Variants in IGSF6 observed in about 807,000 individuals in gnomAD.
The protein encoded by IGSF6 is immunoglobulin superfamily member 6.
A neutral mutation model predicts 24.7 loss-of-function variants in IGSF6; 23 were observed. The ratio of observed to expected loss-of-function variants is 0.93; its 90% CI spans 0.67 to 1.32. The LOEUF is 1.32. IGSF6 is among the 40% of genes most tolerant of loss of function. The pLI is 0.00. For synonymous variants in IGSF6, 110 were observed against 113.7 expected (o/e 0.97, Z 0.21); for missense variants, 295 against 293.6 (o/e 1.00, Z -0.04).
chr16:21,645,882 G>A (rs1205435253), intron 2 of IGSF6, among the ~76,000 whole-genome samples: 2 of 152,202 alleles, frequency 1.3e-5, no homozygotes, highest in Non-Finnish European at 2.9e-5. Flanking sequence ...TTAGCTGACA[G>A]ATGAGAATAA....
intron 2 of IGSF6, chr16:21,646,359 T>C (rs576513542): frequency 5.3e-5 from 8 of 152,306 alleles, no homozygotes; most frequent in African/African-American, 1.9e-4. Context: ...GATCCCTGAG[T>C]AGCTTCTCTC....
At position 21,639,794 on chromosome 16, in the gene IGSF6, A is replaced by T. The variant is rs532751773; in HGVS notation, c.*1740T>A. 17 of 152,334 alleles carry T rather than the reference A, an allele frequency of 1.1e-4. No homozygotes were observed. Among genetic ancestry groups the T allele is most frequent in the African/African-American group, 3.8e-4 (16 of 41,574 alleles). The allele number at this position is 152,334 out of a possible 1,614,324, so 9.4% of individuals were successfully genotyped here. ...CCCATTTTTCTGGGCACATAGGATC[A>T]GGAAAGTTTGATATCACTGATTTAA... On this transcript the variant is annotated 3_prime_UTR_variant, in exon 6 of 6. Coordinates refer to ENST00000268389, the MANE Select transcript of IGSF6 (RefSeq NM_005849.4).
At chr16:21,642,177 T>A (rs966961524) in intron 5 of IGSF6, 1 of 151,036 alleles carries the variant, frequency 6.6e-6, no homozygotes, top group Non-Finnish European at 1.5e-5. Flanking sequence ...AGAAAACAAT[T>A]AAAGTAAAAG....
intron 4 of IGSF6, 116 bp from the exon 5 acceptor site, chr16:21,643,270 C>A: frequency 1.3e-6 from 1 of 748,260 alleles, no homozygotes; most frequent in South Asian, 1.5e-5. Context: ...TACCCCCTCC[C>A]CCAACACATA....
chr16:21,644,779 G>C (rs915822223), intron 2 of IGSF6, among the ~76,000 whole-genome samples: 3 of 152,164 alleles, frequency 2.0e-5, no homozygotes, highest in Non-Finnish European at 4.4e-5. Context: ...TCAAGAGTCT[G>C]CCTATGTGGT....
intron 1 of IGSF6, among the ~76,000 whole-genome samples, chr16:21,649,868 C>G (rs537942105): frequency 6.6e-6 from 1 of 152,200 alleles, no homozygotes; most frequent in African/African-American, 2.4e-5. Flanking sequence ...ACCACCACGC[C>G]TGGCTAATTT....
intron 2 of IGSF6, 119 bp downstream of exon 2, chr16:21,647,014 C>G: frequency 7.6e-7 from 1 of 1,323,936 alleles, no homozygotes; most frequent in Non-Finnish European, 1.1e-6. Flanking sequence ...ACACCCATCA[C>G]TGGCTAGGGT....
At chr16:21,646,158 C>CTT (rs11415948) in intron 2 of IGSF6, among the ~76,000 whole-genome samples, 17 of 150,614 alleles carry the variant, frequency 1.1e-4, no homozygotes, top group African/African-American at 2.2e-4. Context: ...GAAATTCCCC[C>CTT]TTTTTTTTTC....
rs566961050 is a variant in IGSF6 at position 21,646,801 on chromosome 16, G to T, written c.427+332C>A. On this transcript the variant is annotated intron_variant, in intron 2 of 5. Coordinates refer to ENST00000268389, the MANE Select transcript of IGSF6 (RefSeq NM_005849.4). ...CTCCCAAGCAGCTGGGACTACAGGT[G>T]CATGCCACCATGCGCGGCTAATTTT... The T allele has an allele frequency of 1.0e-4, 36 of 349,846 alleles. 1 individual carries two copies. Among genetic ancestry groups the T allele is most frequent in the Non-Finnish European group, 1.6e-4 (29 of 178,082 alleles). The allele number at this position is 349,846 out of a possible 1,614,324, so 21.7% of individuals were successfully genotyped here.
chr16:21,651,649 G>A (rs374512219), intron 1 of IGSF6, among the ~76,000 whole-genome samples: 11 of 152,056 alleles, frequency 7.2e-5, no homozygotes, highest in African/African-American at 9.7e-5. Context: ...TCAAAGTAGC[G>A]AAGTAGTACA....
In IGSF6 at chr16:21,644,376, C is replaced by T; in HGVS notation, c.448G>A (p.Glu150Lys). The change falls in exon 3 of 6, where the codon GAA (glutamate) becomes AAA (lysine). Residue 150 changes from glutamate (E) to lysine (K), a missense_variant. By Grantham distance (56) the Glu-to-Lys change is moderately conservative. Transcript: ENST00000268389. Reference protein sequence around the residue: ...VVREIKLLSKELRSFLTALVS... With the variant: ...VVREIKLLSKKLRSFLTALVS... Reference sequence around the variant, plus strand: ...AGAGCTGTCAGGAAGCTCCGCAGTTCCTTGCTGAGCAGCTTAATTTCTTAA... The same window carrying T: ...AGAGCTGTCAGGAAGCTCCGCAGTTTCTTGCTGAGCAGCTTAATTTCTTAA... The T allele has an allele frequency of 6.2e-7, 1 of 1,613,098 alleles. No individual in the cohort carries two copies. Among genetic ancestry groups the T allele is most frequent in the Admixed American group, 1.7e-5 (1 of 60,022 alleles).
At position 21,647,240 on chromosome 16, in the gene IGSF6, CTG is replaced by C. The variant is rs1966453933; in HGVS notation, c.318_319del (p.Asn106LysfsTer6). 1 of 1,614,070 alleles carries C rather than the reference CTG, an allele frequency of 6.2e-7. No homozygotes were observed. The highest frequency in any genetic ancestry group is 1.7e-5 in the Admixed American group (1 of 60,006). On this transcript the variant is annotated frameshift_variant, in exon 2 of 6. Transcript: ENST00000268389. LOFTEE classifies it high-confidence loss of function. ...AATTGCACTGTCATTTGAAGTCACT[CTG>C]TTTACAGTGAGGGAAACTTGGTTTT...
At chr16:21,648,703 C>T (rs1325815641) in intron 1 of IGSF6, among the ~76,000 whole-genome samples, 3 of 152,174 alleles carry the variant, frequency 2.0e-5, no homozygotes, top group Non-Finnish European at 2.9e-5. Context: ...CAGGGGAGGC[C>T]ATAGGTAAAA....
In IGSF6 at chr16:21,647,401, G is replaced by C. The variant is rs1228329207; in HGVS notation, c.159C>G (p.Phe53Leu). The change falls in exon 2 of 6, where the codon TTC (phenylalanine) becomes TTG (leucine). Residue 53 changes from phenylalanine to leucine, a missense_variant. Physicochemically the swap from Phe to Leu is conservative, Grantham distance 22 (BLOSUM62 0). Transcript: ENST00000268389. ...GCTCAGAAGGGCATCCGGTTGCGGAGAAGGTACACTTTATGGTGACGGCCT... is the reference window on the plus strand; with the variant it reads ...GCTCAGAAGGGCATCCGGTTGCGGACAAGGTACACTTTATGGTGACGGCCT... ...THEAVTIKCTFSATGCPSEQP... is the reference protein window; with the variant it reads ...THEAVTIKCTLSATGCPSEQP... 7 of 1,613,986 alleles carry C rather than the reference G, an allele frequency of 4.3e-6. No homozygotes were observed. The African/African-American group carries it at 9.3e-5, about 22-fold the overall frequency.
At position 21,641,480 on chromosome 16, in the gene IGSF6, G is replaced by C. The variant is rs1368442805; in HGVS notation, c.*54C>G. ...CTGATGATATATGTTCATTAACACT[G>C]CCATAGCTCCTGGAGTTGGATTTTC... On this transcript the variant is annotated 3_prime_UTR_variant, in exon 6 of 6. Transcript: ENST00000268389. 1.9e-6 allele frequency: 2 copies of C among 1,025,660 alleles called. No homozygotes were observed. Among genetic ancestry groups the C allele is most frequent in the Non-Finnish European group, 3.0e-6 (2 of 665,370 alleles). 63.5% of individuals were successfully genotyped at this position (1,025,660 alleles called of 1,614,324 possible). A position where few individuals can be genotyped will look rare whatever the true frequency, so the allele number is the denominator to read the frequency against.
chr16:21,643,043 T>C (rs1184021351), intron 5 of IGSF6, 31 bp downstream of exon 5: 1 of 1,459,548 alleles, frequency 6.9e-7, no homozygotes, highest in African/African-American at 1.4e-5. Flanking sequence ...TATATCTGTA[T>C]TTACATTTTT....
intron 1 of IGSF6, among the ~76,000 whole-genome samples, chr16:21,648,197 T>C (rs1204236088): frequency 1.3e-5 from 2 of 152,190 alleles, no homozygotes; most frequent in Non-Finnish European, 2.9e-5. Flanking sequence ...TGTGTGCTGC[T>C]TTGTAGGCCC....
At chr16:21,650,473 A>C (rs1379655800) in intron 1 of IGSF6, among the ~76,000 whole-genome samples, 1 of 144,188 alleles carries the variant, frequency 6.9e-6, no homozygotes, top group Non-Finnish European at 1.5e-5. Flanking sequence ...GTGCCACTGC[A>C]CTCTAGCCTG....
intron 1 of IGSF6, among the ~76,000 whole-genome samples, chr16:21,650,664 T>C (rs751725981): frequency 6.6e-6 from 1 of 152,182 alleles, no homozygotes; most frequent in Admixed American, 6.5e-5. Flanking sequence ...AATTAGGCTA[T>C]GTGTGGGAGA....
Sources: gnomAD v4.1 joint callset for allele counts (sites outside exome capture counted in the v4.1 genomes callset) on GRCh38, gnomAD v4.1.1 for gene constraint, MANE v1.5 for transcripts, NCBI Gene and HGNC (gene_info 2026-07-23, HGNC 2026-07-21) for gene names.